Variants in RIMS1 observed in about 807,000 individuals in gnomAD.
RIMS1 encodes regulating synaptic membrane exocytosis 1.
Under a neutral mutation model 214.1 loss-of-function variants are expected in RIMS1, and 83 were observed. That is an observed-to-expected ratio of 0.39 (90% CI 0.32 to 0.47). The LOEUF (loss-of-function observed/expected upper bound fraction) is 0.47. Ranked by LOEUF, RIMS1 falls within the 20% of genes least tolerant of loss-of-function variation. RIMS1 has a pLI of 0.99. For synonymous variants in RIMS1, 793 were observed against 786.8 expected (o/e 1.01, Z -0.13); for missense variants, 2,050 against 2,161.8 (o/e 0.95, Z 1.03).
intron 2 of RIMS1, among the ~76,000 whole-genome samples, chr6:72,010,262 A>G (rs1417395580): frequency 1.3e-5 from 2 of 152,102 alleles, no homozygotes; most frequent in African/African-American, 4.8e-5. Context: ...AGAAAAGTCC[A>G]TTGACAAAAT....
At chr6:72,108,642 T>C (rs1297189411) in intron 4 of RIMS1, among the ~76,000 whole-genome samples, 1 of 152,102 alleles carries the variant, frequency 6.6e-6, no homozygotes, top group Non-Finnish European at 1.5e-5. Flanking sequence ...TATTTGATTC[T>C]ATTTTTCCTC....
intron 4 of RIMS1, among the ~76,000 whole-genome samples, chr6:72,117,184 G>T (rs1455655647): frequency 6.6e-6 from 1 of 151,902 alleles, no homozygotes; most frequent in Non-Finnish European, 1.5e-5. Flanking sequence ...AGTAGGTTTG[G>T]AATGGGGCTA....
rs574886068 is a variant in RIMS1, at chr6:72,329,534, A to C, written c.4131-4066A>C. On this transcript the variant is annotated intron_variant, in intron 28 of 33. Transcript: ENST00000521978. ...AGATAGTAATCATATGCCCTTTATT[A>C]GTTTTTTTTTTTCAAATTAACATCT... Among the ~76,000 whole-genome samples the C allele has an allele frequency of 2.0e-5, 3 of 151,574 alleles. No homozygotes were observed. In the South Asian group the frequency reaches 6.3e-4, roughly 32 times the overall value.
At chr6:72,184,263 A>T (rs898863394) in intron 6 of RIMS1, among the ~76,000 whole-genome samples, 1 of 152,238 alleles carries the variant, frequency 6.6e-6, no homozygotes, top group African/African-American at 2.4e-5. Flanking sequence ...TCATGACATT[A>T]CAAGAAAAAG....
At chr6:72,215,455 C>A (rs1399184543) in intron 6 of RIMS1, among the ~76,000 whole-genome samples, 3 of 152,234 alleles carry the variant, frequency 2.0e-5, no homozygotes, top group African/African-American at 7.2e-5. Flanking sequence ...TCAAAACAGA[C>A]AAAACCAAGT....
intron 31 of RIMS1, among the ~76,000 whole-genome samples, chr6:72,394,945 G>T (rs1430218812): frequency 6.6e-6 from 1 of 151,808 alleles, no homozygotes; most frequent in Admixed American, 6.6e-5. Flanking sequence ...AACACCAAGA[G>T]ATTATTAAAC....
At chr6:72,398,029 A>G (rs557436525) in intron 31 of RIMS1, among the ~76,000 whole-genome samples, 3 of 152,308 alleles carry the variant, frequency 2.0e-5, no homozygotes, top group African/African-American at 4.8e-5. Context: ...TGCAAATCTC[A>G]TAAGAGGTAT....
At chr6:72,379,943 T>C (rs1219196186) in intron 29 of RIMS1, among the ~76,000 whole-genome samples, 1 of 152,092 alleles carries the variant, frequency 6.6e-6, no homozygotes, top group Non-Finnish European at 1.5e-5. Context: ...ACCTTGAGTT[T>C]AAATAAAAGT....
intron 4 of RIMS1, among the ~76,000 whole-genome samples, chr6:72,122,932 T>G (rs1408358161): frequency 6.6e-6 from 1 of 151,898 alleles, no homozygotes; most frequent in African/African-American, 2.4e-5. Flanking sequence ...AGCTCCTGGA[T>G]TCATTGATTT....
At chr6:72,269,375 C>A (rs1298725044) in intron 22 of RIMS1, among the ~76,000 whole-genome samples, 1 of 152,144 alleles carries the variant, frequency 6.6e-6, no homozygotes, top group Non-Finnish European at 1.5e-5. Flanking sequence ...CCTAGCTCCA[C>A]CTCCAGTTTT....
intron 24 of RIMS1, among the ~76,000 whole-genome samples, chr6:72,289,677 A>G (rs533081992): frequency 1.3e-5 from 2 of 152,294 alleles, no homozygotes; most frequent in East Asian, 3.9e-4. Context: ...AAAATTGCCA[A>G]TCTGAATAGA....
intron 29 of RIMS1, among the ~76,000 whole-genome samples, chr6:72,362,970 G>T (rs982808975): frequency 7.9e-5 from 12 of 152,154 alleles, no homozygotes; most frequent in Non-Finnish European, 1.8e-4. Context: ...GGACAGACAT[G>T]GTCCTTACCC....
chr6:72,165,995 A>G (rs1030778447), intron 4 of RIMS1, among the ~76,000 whole-genome samples: 10 of 152,222 alleles, frequency 6.6e-5, no homozygotes, highest in Non-Finnish European at 1.3e-4. Context: ...TTGGGTTTCC[A>G]TAACAAAATA....
intron 6 of RIMS1, among the ~76,000 whole-genome samples, chr6:72,213,847 C>A (rs889076944): frequency 6.6e-6 from 1 of 152,056 alleles, no homozygotes; most frequent in East Asian, 1.9e-4. Context: ...TGTATTCTCT[C>A]CCAAGGGAAA....
At chr6:72,353,255 G>C (rs1594889041) in intron 29 of RIMS1, among the ~76,000 whole-genome samples, 1 of 152,040 alleles carries the variant, frequency 6.6e-6, no homozygotes, top group Admixed American at 6.6e-5. Context: ...AAAGTGCTGG[G>C]ATTACAGGCA....
At chr6:72,109,423 G>A (rs1264164324) in intron 4 of RIMS1, among the ~76,000 whole-genome samples, 2 of 151,822 alleles carry the variant, frequency 1.3e-5, no homozygotes, top group Non-Finnish European at 1.5e-5. Flanking sequence ...TCTCATTGTG[G>A]TTTTGATTTG....
At chr6:72,020,460 T>A (rs1463632762) in intron 2 of RIMS1, among the ~76,000 whole-genome samples, 2 of 152,232 alleles carry the variant, frequency 1.3e-5, no homozygotes, top group Non-Finnish European at 2.9e-5. Flanking sequence ...TTGCACCATG[T>A]ACCAGCAGCC....
intron 19 of RIMS1, chr6:72,262,961 G>T: frequency 2.1e-6 from 1 of 477,778 alleles, no homozygotes; most frequent in South Asian, 9.1e-5. Flanking sequence ...TATATGTTAT[G>T]AATATTATTA....
intron 15 of RIMS1, among the ~76,000 whole-genome samples, chr6:72,252,470 G>T (rs1245354453): frequency 2.0e-5 from 3 of 152,104 alleles, no homozygotes; most frequent in African/African-American, 4.8e-5. Context: ...TATATACTGT[G>T]CTGAAGGCTT....
Sources: allele counts gnomAD v4.1 joint callset (sites outside exome capture counted in the v4.1 genomes callset), GRCh38; gene constraint gnomAD v4.1.1; transcripts MANE v1.5; gene names NCBI Gene and HGNC (gene_info 2026-07-23, HGNC 2026-07-21).